LRBA: variants seen among roughly 807,000 people sequenced by gnomAD.
LRBA encodes LPS responsive beige-like anchor protein, also known as lipopolysaccharide-responsive and beige-like anchor protein.
LRBA carries 176 observed loss-of-function variants against 330.0 expected under a neutral mutation model. That is an observed-to-expected ratio of 0.53 (90% CI 0.47 to 0.60). LRBA has a LOEUF of 0.60. Ranked by LOEUF, LRBA falls within the 20% of genes least tolerant of loss-of-function variation. The pLI is 0.00. For missense variants in LRBA, 3,259 were observed against 3,444.8 expected, an observed-to-expected ratio of 0.95 and a Z score of 1.35; for synonymous variants, 1,230 against 1,193.0, an observed-to-expected ratio of 1.03 and a Z score of -0.64.
intron 48 of LRBA, among the ~76,000 whole-genome samples, chr4:150,343,221 A>G (rs948158508): frequency 6.6e-6 from 1 of 152,052 alleles, no homozygotes; most frequent in African/African-American, 2.4e-5. Flanking sequence ...GTTTAGCTGT[A>G]CTCCGATCCT....
At chr4:150,816,697 A>T (rs1744645822) in intron 31 of LRBA, among the ~76,000 whole-genome samples, 1 of 151,900 alleles carries the variant, frequency 6.6e-6, no homozygotes, top group South Asian at 2.1e-4. Context: ...ATTGGACACT[A>T]TATAAATATT....
chr4:150,972,464 T>C (rs977998636), intron 2 of LRBA, among the ~76,000 whole-genome samples: 3 of 152,174 alleles, frequency 2.0e-5, no homozygotes, highest in African/African-American at 7.2e-5. Context: ...AATCAACTCT[T>C]TCTCATAGTG....
chr4:150,906,475 G>A (rs1731356536), intron 11 of LRBA, 70 bp from the exon 12 acceptor site: 2 of 813,870 alleles, frequency 2.5e-6, no homozygotes, highest in African/African-American at 3.5e-5. Flanking sequence ...TTAGATAGAT[G>A]TAACCCTTCC....
intron 36 of LRBA, among the ~76,000 whole-genome samples, chr4:150,703,562 A>G (rs1435993341): frequency 1.3e-5 from 2 of 152,208 alleles, no homozygotes; most frequent in African/African-American, 4.8e-5. Context: ...GTAGTCACCA[A>G]TAATTTCAAA....
chr4:150,916,286 A>G, intron 7 of LRBA, 115 bp downstream of exon 7: 1 of 1,003,556 alleles, frequency 1.0e-6, no homozygotes, highest in African/African-American at 1.6e-5. Flanking sequence ...ATCTTTTTAA[A>G]CAGTAAAAAC....
intron 9 of LRBA, 78 bp from the exon 10 acceptor site, chr4:150,908,935 TAAG>T: frequency 1.1e-6 from 1 of 903,100 alleles, no homozygotes; most frequent in Non-Finnish European, 1.7e-6. Context: ...TGTAAAACTT[TAAG>T]GAGACAGACC....
intron 52 of LRBA, among the ~76,000 whole-genome samples, chr4:150,305,503 T>A (rs1236576468): frequency 6.6e-6 from 1 of 152,216 alleles, no homozygotes; most frequent in African/African-American, 2.4e-5. Flanking sequence ...GGTGAACAAA[T>A]AGACATGGTC....
intron 52 of LRBA, among the ~76,000 whole-genome samples, chr4:150,307,837 T>C (rs2126869870): frequency 6.6e-6 from 1 of 152,294 alleles, no homozygotes; most frequent in Admixed American, 6.5e-5. Flanking sequence ...CTTAAACATC[T>C]AGTAAAAGCC....
chr4:150,728,725 C>T (rs1024051662), intron 36 of LRBA, among the ~76,000 whole-genome samples: 2 of 150,724 alleles, frequency 1.3e-5, no homozygotes, highest in South Asian at 2.1e-4. Flanking sequence ...CCATATATGA[C>T]AGACCCACAA....
intron 22 of LRBA, among the ~76,000 whole-genome samples, chr4:150,863,617 G>A (rs945843201): frequency 3.3e-5 from 5 of 152,170 alleles, no homozygotes; most frequent in Admixed American, 2.6e-4. Context: ...AGCCAAGATT[G>A]CGCCACTGCA....
At position 150,471,696 on chromosome 4, in the gene LRBA, T is replaced by C. The variant is rs746371872; in HGVS notation, c.6595A>G (p.Asn2199Asp). Residue 2199 changes from asparagine to aspartate, a missense_variant, in exon 43 of 57, where the codon AAT (asparagine) becomes GAT (aspartate). Physicochemically the swap from Asn to Asp is conservative, Grantham distance 23. Coordinates refer to ENST00000651943, the MANE Select transcript of LRBA (RefSeq NM_001364905.1). Reference sequence around the variant, plus strand: ...CTGTGTTGCCATCGCTGGGTCATATTAGAAGCCTTAAAAAGCTGACGTGGA... The same window carrying C: ...CTGTGTTGCCATCGCTGGGTCATATCAGAAGCCTTAAAAAGCTGACGTGGA... ...ASPRQLFKAS[N>D]MTQRWQHREI... 3.7e-6 allele frequency: 6 copies of C among 1,608,926 alleles called. No individual in the cohort carries two copies. In the African/African-American group the frequency reaches 5.4e-5, roughly 14 times the overall value.
intron 42 of LRBA, among the ~76,000 whole-genome samples, chr4:150,480,101 T>A (rs1280258318): frequency 2.0e-5 from 3 of 152,200 alleles, no homozygotes; most frequent in Admixed American, 2.0e-4. Flanking sequence ...TGTTCGCTCT[T>A]TCCAGTTCTT....
chr4:150,860,557 G>T (rs1275484888), intron 22 of LRBA, among the ~76,000 whole-genome samples: 1 of 152,182 alleles, frequency 6.6e-6, no homozygotes, highest in Non-Finnish European at 1.5e-5. Flanking sequence ...GCCGGGCGCG[G>T]TGGTTCACAC....
At chr4:150,890,884 TG>T (rs1445048976) in intron 17 of LRBA, among the ~76,000 whole-genome samples, 2 of 152,158 alleles carry the variant, frequency 1.3e-5, no homozygotes, top group African/African-American at 4.8e-5. Flanking sequence ...AGTTTTTAAA[TG>T]TCTATGATAC....
chr4:150,646,581 C>G (rs912867472), intron 37 of LRBA, among the ~76,000 whole-genome samples: 34 of 151,954 alleles, frequency 2.2e-4, no homozygotes, highest in African/African-American at 8.2e-4. Flanking sequence ...AAACATTCAC[C>G]ATTTGGGAAG....
At chr4:151,014,353 T>A (rs904120479) in intron 2 of LRBA, 74 bp downstream of exon 2, 2 of 1,258,640 alleles carry the variant, frequency 1.6e-6, no homozygotes, top group Non-Finnish European at 2.3e-6. Context: ...GTAAACCACA[T>A]GGCTCCAGCT....
At chr4:150,728,996 A>G (rs948603239) in intron 36 of LRBA, among the ~76,000 whole-genome samples, 14 of 152,230 alleles carry the variant, frequency 9.2e-5, no homozygotes, top group Admixed American at 6.5e-4. Flanking sequence ...CAAATTCAGT[A>G]AAGTTGCAGT....
chr4:150,927,753 A>T (rs1478103479), intron 4 of LRBA, among the ~76,000 whole-genome samples: 3 of 152,232 alleles, frequency 2.0e-5, no homozygotes, highest in Non-Finnish European at 4.4e-5. Flanking sequence ...AAATTCAATG[A>T]AAATTAGTAA....
At chr4:150,380,986 A>T (rs987137930) in intron 47 of LRBA, among the ~76,000 whole-genome samples, 1 of 38,872 alleles carries the variant, frequency 2.6e-5, no homozygotes, top group Non-Finnish European at 5.5e-5. Flanking sequence ...CCATCTCAAA[A>T]AAAAAAAAAA....
Sources: allele counts gnomAD v4.1 joint callset (sites outside exome capture counted in the v4.1 genomes callset), GRCh38; gene constraint gnomAD v4.1.1; transcripts MANE v1.5; gene names NCBI Gene and HGNC (gene_info 2026-07-23, HGNC 2026-07-21).